Variants in SMAD3 observed in about 807,000 individuals in gnomAD.
SMAD3 encodes MAD homolog 3.
In SMAD3, 12 loss-of-function variants were observed where a neutral mutation model predicts 51.8. The observed-to-expected ratio is 0.23, with a 90% confidence interval of 0.15 to 0.38. SMAD3 has a LOEUF of 0.38. Among genes scored for constraint, SMAD3 ranks in the 10% least tolerant of loss-of-function variants. The pLI, the probability that SMAD3 is intolerant of heterozygous loss-of-function variation, is 1.00. For synonymous variants in SMAD3, 238 were observed against 227.7 expected, an observed-to-expected ratio of 1.05 and a Z score of -0.41; for missense variants, 294 against 565.6, an observed-to-expected ratio of 0.52 and a Z score of 4.87.
At chr15:67,144,113 T>C (rs1017878877) in intron 1 of SMAD3, among the ~76,000 whole-genome samples, 1 of 152,218 alleles carries the variant, frequency 6.6e-6, no homozygotes, top group Non-Finnish European at 1.5e-5. Flanking sequence ...CCATCACTCC[T>C]CTAAAACTTT....
intron 1 of SMAD3, among the ~76,000 whole-genome samples, chr15:67,088,694 C>A (rs572274170): frequency 6.6e-6 from 1 of 152,208 alleles, no homozygotes; most frequent in Admixed American, 6.5e-5. Flanking sequence ...CTTTGGGAGC[C>A]GAGGTGGGCG....
At chr15:67,142,545 A>G (rs1028310876) in intron 1 of SMAD3, among the ~76,000 whole-genome samples, 7 of 152,084 alleles carry the variant, frequency 4.6e-5, no homozygotes, top group African/African-American at 1.7e-4. Context: ...TTTTCTGCTC[A>G]GTGTCCTAGA....
At chr15:67,089,294 T>C (rs746733659) in intron 1 of SMAD3, among the ~76,000 whole-genome samples, 1 of 152,170 alleles carries the variant, frequency 6.6e-6, no homozygotes, top group Non-Finnish European at 1.5e-5. Flanking sequence ...CTCTTGGTGA[T>C]CTTGAATAGC....
At chr15:67,098,809 CG>C (rs1960679980) in intron 1 of SMAD3, 1 of 690,592 alleles carries the variant, frequency 1.4e-6, no homozygotes, top group Non-Finnish European at 2.6e-6. Flanking sequence ...GCATCCCCAG[CG>C]GGGGTCTGAG....
At chr15:67,129,484 A>G (rs1566977700) in intron 1 of SMAD3, among the ~76,000 whole-genome samples, 1 of 144,958 alleles carries the variant, frequency 6.9e-6, no homozygotes, top group East Asian at 2.2e-4. Context: ...TAATTTCATT[A>G]TTAGTTATTG....
chr15:67,128,693 T>C (rs1263421603), intron 1 of SMAD3, among the ~76,000 whole-genome samples: 1 of 152,002 alleles, frequency 6.6e-6, no homozygotes, highest in Non-Finnish European at 1.5e-5. Flanking sequence ...CACCTCAGAC[T>C]CCTAAGTAGC....
intron 1 of SMAD3, among the ~76,000 whole-genome samples, chr15:67,148,872 C>T (rs769150080): frequency 3.3e-5 from 5 of 152,224 alleles, no homozygotes; most frequent in Admixed American, 6.5e-5. Flanking sequence ...CAAATGTGAC[C>T]TGCAAGCCCC....
In SMAD3 at chr15:67,125,627, G is replaced by C. The variant is rs1024073735; in HGVS notation, c.207-39268G>C. The C allele has an allele frequency of 1.7e-4, 127 of 749,312 alleles. 1 individual carries two copies. Among genetic ancestry groups the C allele is most frequent in the Middle Eastern group, 6.9e-4 (1 of 1,448 alleles). 46.4% of individuals were successfully genotyped at this position (749,312 alleles called of 1,614,324 possible). On this transcript the variant is annotated intron_variant, in intron 1 of 8. Coordinates refer to ENST00000327367, the MANE Select transcript of SMAD3 (RefSeq NM_005902.4). Reference sequence around the variant, plus strand: ...CTGTGATGGCTTGCATCCAGAGTGCGTGGTGTTTATTTTTGATTTGAAATA... The same window carrying C: ...CTGTGATGGCTTGCATCCAGAGTGCCTGGTGTTTATTTTTGATTTGAAATA...
chr15:67,139,891 G>C (rs1595923150), intron 1 of SMAD3, among the ~76,000 whole-genome samples: 1 of 152,128 alleles, frequency 6.6e-6, no homozygotes, highest in East Asian at 1.9e-4. Context: ...GGCCGAGGTG[G>C]GTGGATTACT....
intron 1 of SMAD3, among the ~76,000 whole-genome samples, chr15:67,164,431 G>C (rs1022199024): frequency 6.7e-6 from 1 of 150,332 alleles, no homozygotes; most frequent in African/African-American, 2.5e-5. Context: ...GACAGCCTTT[G>C]TACTTTGTCA....
At position 67,193,961 on chromosome 15, in the gene SMAD3, G is replaced by A. The variant is rs915840831; in HGVS notation, c.*3425G>A. ...CATTCTTAGCCTCAGGCCTCATGAG[G>A]GTCTCCACAGGGCCGGAGCTCAGGT... On this transcript the variant is annotated 3_prime_UTR_variant, in exon 9 of 9. Transcript: ENST00000327367. 2.1e-5 allele frequency: 5 copies of A among 233,128 alleles called. No individual in the cohort carries two copies. The highest frequency in any genetic ancestry group is 4.4e-5 in the African/African-American group (2 of 45,314). 14.4% of individuals were successfully genotyped at this position (233,128 alleles called of 1,614,324 possible). A position where few individuals can be genotyped will look rare whatever the true frequency, so the allele number is the denominator to read the frequency against.
intron 1 of SMAD3, among the ~76,000 whole-genome samples, chr15:67,124,501 G>A (rs1021707421): frequency 6.6e-6 from 1 of 152,012 alleles, no homozygotes; most frequent in Non-Finnish European, 1.5e-5. Flanking sequence ...TGAGGAAGAA[G>A]AGTAGACAAA....
At chr15:67,130,075 C>G (rs1025643410) in intron 1 of SMAD3, among the ~76,000 whole-genome samples, 2 of 152,196 alleles carry the variant, frequency 1.3e-5, no homozygotes, top group Non-Finnish European at 1.5e-5. Flanking sequence ...GGGAAACTTG[C>G]ATTTGCTGAA....
intron 1 of SMAD3, among the ~76,000 whole-genome samples, chr15:67,085,868 G>GCGCACACACA (rs532188806): frequency 1.0e-5 from 1 of 100,066 alleles, no homozygotes; most frequent in African/African-American, 3.4e-5. Flanking sequence ...AAAAAAGCGT[G>GCGCACACACA]CACACACACA....
rs1008576954 is a variant in SMAD3 at position 67,191,952 on chromosome 15, G to C, written c.*1416G>C. ...TATTTCAACTGGAAAAAAGAAAAAA[G>C]AGTCCTCTTCTTTTCCCAGCCTTTT... On this transcript the variant is annotated 3_prime_UTR_variant, in exon 9 of 9. Coordinates refer to ENST00000327367, the MANE Select transcript of SMAD3 (RefSeq NM_005902.4). 15 of 229,076 alleles carry C rather than the reference G, an allele frequency of 6.5e-5. No homozygotes were observed. The highest frequency in any genetic ancestry group is 1.1e-4 in the Non-Finnish European group (13 of 115,182). 14.2% of individuals were successfully genotyped at this position (229,076 alleles called of 1,614,324 possible). A position where few individuals can be genotyped will look rare whatever the true frequency, so the allele number is the denominator to read the frequency against.
intron 8 of SMAD3, among the ~76,000 whole-genome samples, chr15:67,188,194 C>G (rs1278793362): frequency 7.2e-6 from 1 of 139,506 alleles, no homozygotes; most frequent in Non-Finnish European, 1.5e-5. Context: ...CTCTGTCATC[C>G]AAGCTGAAGT....
At chr15:67,174,782 T>C (rs767851189) in intron 5 of SMAD3, among the ~76,000 whole-genome samples, 5 of 152,230 alleles carry the variant, frequency 3.3e-5, no homozygotes, top group Non-Finnish European at 7.3e-5. Context: ...GAGATTATTA[T>C]GAAATTACTG....
chr15:67,114,774 G>A (rs1052678065), intron 1 of SMAD3, among the ~76,000 whole-genome samples: 6 of 152,052 alleles, frequency 3.9e-5, no homozygotes, highest in South Asian at 4.1e-4. Context: ...TCTATTTTGG[G>A]TACCTTCAAA....
At chr15:67,135,028 G>C (rs1464366446) in intron 1 of SMAD3, among the ~76,000 whole-genome samples, 1 of 152,200 alleles carries the variant, frequency 6.6e-6, no homozygotes, top group Admixed American at 6.5e-5. Context: ...TGCTGGGAGA[G>C]TGGAAGCAGG....
Sources: allele counts gnomAD v4.1 joint callset (sites outside exome capture counted in the v4.1 genomes callset), GRCh38; gene constraint gnomAD v4.1.1; transcripts MANE v1.5; gene names NCBI Gene and HGNC (gene_info 2026-07-23, HGNC 2026-07-21).